The following LAMA2 variants were observed in gnomAD, a reference collection of about 807,000 sequenced individuals.
LAMA2 encodes laminin subunit alpha-2.
In LAMA2, 269 loss-of-function variants were observed where a neutral mutation model predicts 364.8. The observed-to-expected ratio is 0.74, with a 90% confidence interval of 0.67 to 0.82. LAMA2 has a LOEUF of 0.82. LAMA2 is among the 40% of genes least tolerant of loss of function. The pLI is 0.00. For missense variants in LAMA2, 3,807 were observed against 3,873.2 expected (o/e 0.98, Z 0.45); for synonymous variants, 1,379 against 1,370.6 (o/e 1.01, Z -0.14).
chr6:129,104,870 C>T (rs1314735632), intron 4 of LAMA2, among the ~76,000 whole-genome samples: 4 of 152,114 alleles, frequency 2.6e-5, no homozygotes, highest in Non-Finnish European at 5.9e-5. Context: ...ACCTAGCATC[C>T]TAGGCCTGCA....
At chr6:129,037,769 A>C (rs1427390372) in intron 1 of LAMA2, among the ~76,000 whole-genome samples, 4 of 149,920 alleles carry the variant, frequency 2.7e-5, no homozygotes, top group Non-Finnish European at 5.9e-5. Flanking sequence ...TCCCAGGTTC[A>C]CGCCATTCTC....
intron 14 of LAMA2, among the ~76,000 whole-genome samples, chr6:129,255,078 G>C (rs1786547479): frequency 6.6e-6 from 1 of 151,524 alleles, no homozygotes; most frequent in Admixed American, 6.6e-5. Flanking sequence ...TCCAATGTGA[G>C]ACTCTCTGCA....
intron 1 of LAMA2, among the ~76,000 whole-genome samples, chr6:129,024,178 A>G (rs1785643639): frequency 6.6e-6 from 1 of 152,276 alleles, no homozygotes; most frequent in East Asian, 1.9e-4. Flanking sequence ...TAAAACTCAA[A>G]TAAACCTTAG....
intron 21 of LAMA2, 101 bp downstream of exon 21, chr6:129,297,966 A>G: frequency 1.0e-6 from 1 of 976,608 alleles, no homozygotes; most frequent in Non-Finnish European, 1.6e-6. Context: ...GATTGATACA[A>G]CGTATTTAAC....
In LAMA2 at chr6:129,464,626, A is replaced by G. The variant is rs183228463; in HGVS notation, c.7155+174A>G. Among the ~76,000 whole-genome samples the G allele has an allele frequency of 4.3e-4, 65 of 152,098 alleles. 1 individual carries two copies. The highest frequency in any genetic ancestry group is 1.1e-3 in the Admixed American group (17 of 15,244). ...TACAGATAGTGCTTATATATTTTCA[A>G]TAATAACTTTAATCACAGATACAAT... On this transcript the variant is annotated intron_variant, in intron 50 of 64. Coordinates refer to ENST00000421865, the MANE Select transcript of LAMA2 (RefSeq NM_000426.4).
chr6:129,220,652 G>A (rs977299714), intron 12 of LAMA2, among the ~76,000 whole-genome samples: 7 of 152,146 alleles, frequency 4.6e-5, no homozygotes, highest in African/African-American at 1.7e-4. Flanking sequence ...ATGTTAAAAT[G>A]TCATACTTTC....
At chr6:129,429,236 A>G (rs1390484781) in intron 41 of LAMA2, among the ~76,000 whole-genome samples, 2 of 152,194 alleles carry the variant, frequency 1.3e-5, no homozygotes, top group Non-Finnish European at 2.9e-5. Flanking sequence ...TGGACTAATT[A>G]ATATTCCATC....
Position 129,287,903 on chromosome 6 carries a change from G to A in LAMA2, c.2594G>A (p.Cys865Tyr). The A allele has an allele frequency of 1.2e-6, 2 of 1,614,074 alleles. No homozygotes were observed. Among genetic ancestry groups the A allele is most frequent in the Non-Finnish European group, 1.7e-6 (2 of 1,179,958 alleles). The change falls in exon 19 of 65, where the codon TGC becomes TAC. Residue 865 changes from cysteine (C) to tyrosine (Y), a missense_variant. Physicochemically the swap from Cys to Tyr is radical, Grantham distance 194 (BLOSUM62 -2). Around this residue, in one of 3 missense-constraint regions of LAMA2, gnomAD observed 3,333 missense variants for 3,345.7 expected, o/e 1.00. Transcript: ENST00000421865. ...GTACCTGGAGGATCATGTCAGCCAT[G>A]CCAATGCAATGACAACCTTGACTTC... ...PSVPGGSCQP[C>Y]QCNDNLDFSI...
intron 9 of LAMA2, among the ~76,000 whole-genome samples, chr6:129,173,839 G>A (rs1353585153): frequency 1.3e-5 from 2 of 151,970 alleles, no homozygotes; most frequent in African/African-American, 2.4e-5. Context: ...TTGATTACGA[G>A]GGAAATACGA....
chr6:129,262,634 T>C (rs1442949666), intron 15 of LAMA2, among the ~76,000 whole-genome samples: 2 of 152,196 alleles, frequency 1.3e-5, no homozygotes, highest in African/African-American at 4.8e-5. Context: ...CTCTGACTTC[T>C]TCATTTCTTC....
intron 58 of LAMA2, among the ~76,000 whole-genome samples, chr6:129,496,000 G>C (rs1785163128): frequency 6.6e-6 from 1 of 152,142 alleles, no homozygotes; most frequent in African/African-American, 2.4e-5. Context: ...CAGAACATTA[G>C]AGCTAGAAGA....
At chr6:129,060,109 C>T (rs143041659) in intron 3 of LAMA2, among the ~76,000 whole-genome samples, 5 of 152,096 alleles carry the variant, frequency 3.3e-5, no homozygotes, top group South Asian at 4.1e-4. Flanking sequence ...AATGGAAGCA[C>T]GTGAAGAGCT....
chr6:129,379,402 A>T (rs1024025385), intron 34 of LAMA2, among the ~76,000 whole-genome samples: 1 of 152,138 alleles, frequency 6.6e-6, no homozygotes. Context: ...AAAAATATAA[A>T]AAATACAAGT....
At chr6:128,980,137 T>C (rs1316828460) in intron 1 of LAMA2, among the ~76,000 whole-genome samples, 1 of 152,190 alleles carries the variant, frequency 6.6e-6, no homozygotes, top group Admixed American at 6.5e-5. Flanking sequence ...AACCTCAGTG[T>C]AGCTGGTGGC....
At position 129,098,189 on chromosome 6, in the gene LAMA2, A is replaced by G. The variant is rs2114873110; in HGVS notation, c.413A>G (p.Tyr138Cys). ...CTTCCCTAGGTGTTCCAGATCGCGT[A>G]TGTGATTGTGAAGGCAGCTAACTCC... ...LDLQQVFQIA[Y>C]VIVKAANSPR... Residue 138 changes from tyrosine (Y) to cysteine (C), a missense_variant, in exon 4 of 65, where the codon TAT becomes TGT. Physicochemically the swap from Tyr to Cys is radical, Grantham distance 194. Coordinates refer to ENST00000421865, the MANE Select transcript of LAMA2 (RefSeq NM_000426.4). 1 of 1,614,086 alleles carries G rather than the reference A, an allele frequency of 6.2e-7. No homozygotes were observed. The highest frequency in any genetic ancestry group is 8.5e-7 in the Non-Finnish European group (1 of 1,179,962).
At chr6:129,113,727 TCCTGGGCAACATAA>T (rs1776300348) in intron 4 of LAMA2, among the ~76,000 whole-genome samples, 1 of 151,976 alleles carries the variant, frequency 6.6e-6, no homozygotes, top group Non-Finnish European at 1.5e-5. Context: ...AGGAATAGTG[TCCTGGGCAACATAA>T]AGTGTGTGTA....
chr6:129,368,990 C>T (rs1238584762), intron 33 of LAMA2, among the ~76,000 whole-genome samples: 1 of 152,122 alleles, frequency 6.6e-6, no homozygotes, highest in Non-Finnish European at 1.5e-5. Flanking sequence ...TGTGGGCTGT[C>T]TCAATAAGAA....
chr6:128,908,877 C>A (rs937035733), intron 1 of LAMA2, among the ~76,000 whole-genome samples: 2 of 147,872 alleles, frequency 1.4e-5, no homozygotes, highest in African/African-American at 2.6e-5. Flanking sequence ...TTATTTCTGC[C>A]TTCATTTCGT....
At chr6:129,448,166 T>G (rs1477620340) in intron 45 of LAMA2, among the ~76,000 whole-genome samples, 2 of 152,016 alleles carry the variant, frequency 1.3e-5, no homozygotes, top group African/African-American at 4.8e-5. Context: ...ATGCCTATAG[T>G]CCCAGCTACT....
Sources: allele counts gnomAD v4.1 joint callset (sites outside exome capture counted in the v4.1 genomes callset), GRCh38; gene constraint gnomAD v4.1.1; regional missense constraint gnomAD v4.1.1; transcripts MANE v1.5; gene names NCBI Gene and HGNC (gene_info 2026-07-23, HGNC 2026-07-21).